Variants in MEAF6 observed in about 807,000 individuals in gnomAD.
MEAF6 encodes the protein MYST/Esa1 associated factor 6.
MEAF6 carries 15 observed loss-of-function variants against 28.9 expected under a neutral mutation model. The observed-to-expected ratio is 0.52, with a 90% CI of 0.35 to 0.80. MEAF6 has a LOEUF of 0.80. MEAF6 is among the 30% of genes least tolerant of loss of function. MEAF6 has a pLI of 0.01. For synonymous variants in MEAF6, 97 were observed against 88.7 expected (o/e 1.09, Z -0.53); for missense variants, 178 against 237.5 (o/e 0.75, Z 1.65).
chr1:37,495,053 G>A lies in MEAF6; in HGVS notation c.567+832C>T, dbSNP rs1642070464. Among the ~76,000 whole-genome samples, 6 of 151,818 alleles carry A rather than the reference G, an allele frequency of 4.0e-5. 1 individual carries two copies. The South Asian group carries it at 1.3e-3, about 32-fold the overall frequency. ...TTCATCATTAAAAATGTATGTGACC[G>A]GCCGGGTGCGGTGGCTCACGCCTGT... is the stretch of plus-strand genomic sequence containing the variant. On this transcript the variant is annotated intron_variant, in intron 6 of 6. Coordinates refer to ENST00000296214, the MANE Select transcript of MEAF6 (RefSeq NM_001270875.3).
At chr1:37,500,710 C>T (rs1015604232) in intron 5 of MEAF6, among the ~76,000 whole-genome samples, 15 of 152,222 alleles carry the variant, frequency 9.9e-5, no homozygotes, top group African/African-American at 3.6e-4. Flanking sequence ...GTTAATCCTA[C>T]ATTACCCCCA....
chr1:37,514,365 G>A (rs1642767716), intron 1 of MEAF6: 1 of 168,806 alleles, frequency 5.9e-6, no homozygotes. Flanking sequence ...GCCCTTCCTA[G>A]CGCCCTCTCC....
chr1:37,504,168 C>A (rs369046102), intron 4 of MEAF6, among the ~76,000 whole-genome samples: 1 of 152,238 alleles, frequency 6.6e-6, no homozygotes, highest in South Asian at 2.1e-4. Flanking sequence ...TTCCTTCATG[C>A]GTGTTCTCTC....
rs549550813 is a variant in MEAF6, at chr1:37,493,824, G to C, written c.*275C>G. ...GGGGGAGACATTCATTCTAAGAAGG[G>C]AGAAACGCACAGTTAGCAACTTGCT... is the stretch of plus-strand genomic sequence containing the variant. On this transcript the variant is annotated 3_prime_UTR_variant, in exon 7 of 7. Coordinates refer to ENST00000296214, the MANE Select transcript of MEAF6 (RefSeq NM_001270875.3). 1.2e-5 allele frequency: 19 copies of C among 1,550,992 alleles called. No homozygotes were observed. The Admixed American group carries it at 2.8e-4, about 23-fold the overall frequency.
At chr1:37,494,882 A>T (rs953705348) in intron 6 of MEAF6, among the ~76,000 whole-genome samples, 1 of 152,012 alleles carries the variant, frequency 6.6e-6, no homozygotes, top group Non-Finnish European at 1.5e-5. Flanking sequence ...ATAATGTACA[A>T]TATTTCACAT....
chr1:37,494,459 G>C (rs1167963389), intron 6 of MEAF6, among the ~76,000 whole-genome samples: 1 of 143,382 alleles, frequency 7.0e-6, no homozygotes, highest in Non-Finnish European at 1.5e-5. Flanking sequence ...AGGTTGCAGT[G>C]AGCCAAGATC....
At chr1:37,505,854 A>G (rs1437417427) in intron 4 of MEAF6, among the ~76,000 whole-genome samples, 1 of 152,262 alleles carries the variant, frequency 6.6e-6, no homozygotes, top group African/African-American at 2.4e-5. Flanking sequence ...TCTTTTCAAC[A>G]AATGGTGCTG....
intron 4 of MEAF6, among the ~76,000 whole-genome samples, chr1:37,505,698 C>T (rs1365629565): frequency 6.6e-6 from 1 of 152,152 alleles, no homozygotes; most frequent in African/African-American, 2.4e-5. Flanking sequence ...ACATGCTACA[C>T]AAAGCTGCAG....
chr1:37,512,198 G>A (rs1642692520), intron 2 of MEAF6, among the ~76,000 whole-genome samples: 1 of 152,150 alleles, frequency 6.6e-6, no homozygotes, highest in African/African-American at 2.4e-5. Context: ...ACAAGATAAA[G>A]TGACACAGAA....
intron 4 of MEAF6, among the ~76,000 whole-genome samples, chr1:37,506,203 G>A (rs1569978184): frequency 6.6e-6 from 1 of 152,084 alleles, no homozygotes; most frequent in Non-Finnish European, 1.5e-5. Flanking sequence ...CCCAGGAGGT[G>A]GAGGTTGTGG....
rs996998734 is a variant in MEAF6 at position 37,493,831 on chromosome 1, G to C, written c.*268C>G. On this transcript the variant is annotated 3_prime_UTR_variant, in exon 7 of 7. Transcript: ENST00000296214. ...ACATTCATTCTAAGAAGGGAGAAAC[G>C]CACAGTTAGCAACTTGCTGGGATTA... 2.4e-4 allele frequency: 370 copies of C among 1,549,720 alleles called. 1 individual carries two copies. The highest frequency in any genetic ancestry group is 3.0e-4 in the Non-Finnish European group (343 of 1,147,032).
At position 37,507,429 on chromosome 1, in the gene MEAF6, C is replaced by T. The variant is rs552019284; in HGVS notation, c.340+1849G>A. Among the ~76,000 whole-genome samples, 7 of 144,380 alleles carry T rather than the reference C, an allele frequency of 4.8e-5. No homozygotes were observed. In the East Asian group the frequency reaches 1.4e-3, roughly 29 times the overall value. 94.7% of individuals were successfully genotyped at this position (144,380 alleles called of 152,430 possible). Reference sequence around the variant, plus strand: ...AGTTTAGCTCTACATTCTAGAGTGGCATTAATTAAAAAGAAGTAAGATTTA... The same window carrying T: ...AGTTTAGCTCTACATTCTAGAGTGGTATTAATTAAAAAGAAGTAAGATTTA... On this transcript the variant is annotated intron_variant, in intron 4 of 6. Transcript: ENST00000296214.
At chr1:37,496,612 T>G in intron 5 of MEAF6, 1 of 1,533,046 alleles carries the variant, frequency 6.5e-7, no homozygotes, top group African/African-American at 1.4e-5. Context: ...TACCTACAAT[T>G]AAACAGATAA....
chr1:37,514,443 G>GCTCCCGGCTCT, intron 1 of MEAF6: 1 of 299,906 alleles, frequency 3.3e-6, no homozygotes, highest in East Asian at 5.4e-5. Flanking sequence ...CCCCTCCCGC[G>GCTCCCGGCTCT]CTCCCGGCTC....
chr1:37,498,403 T>C (rs1375979191), intron 5 of MEAF6, among the ~76,000 whole-genome samples: 1 of 124,746 alleles, frequency 8.0e-6, no homozygotes, highest in Admixed American at 8.0e-5. Context: ...AGTAGCTATG[T>C]TATTTTTTAT....
rs1322986789 is a variant in MEAF6 at position 37,494,199 on chromosome 1, T to C, written c.568-92A>G. The C allele has an allele frequency of 3.9e-6, 4 of 1,032,928 alleles. No individual in the cohort carries two copies. The African/African-American group carries it at 4.8e-5, about 12-fold the overall frequency. The allele number at this position is 1,032,928 out of a possible 1,614,324, so 64.0% of individuals were successfully genotyped here. On this transcript the variant is annotated intron_variant, in intron 6 of 6. Coordinates refer to ENST00000296214, the MANE Select transcript of MEAF6 (RefSeq NM_001270875.3). ...AAAAAAATCTCATAAACAACTCTAC[T>C]AGGGGACTGCTCTATAGCTAAAGAT...
intron 2 of MEAF6, among the ~76,000 whole-genome samples, chr1:37,511,651 C>T (rs1044791014): frequency 1.3e-5 from 2 of 152,312 alleles, no homozygotes; most frequent in African/African-American, 2.4e-5. Context: ...ACAAAGGATA[C>T]ACCAATTGCC....
At position 37,491,530 on chromosome 1, in the gene MEAF6, C is replaced by T. The variant is rs2148054491; in HGVS notation, c.*2569G>A. Among the ~76,000 whole-genome samples, 1 of 152,180 alleles carries T rather than the reference C, an allele frequency of 6.6e-6. No individual in the cohort carries two copies. Among genetic ancestry groups the T allele is most frequent in the South Asian group, 2.1e-4 (1 of 4,830 alleles). Reference sequence around the variant, plus strand: ...GCAACATAGCAAGAAGCCATCATTACAAAATAAAAATGTTTTAAATTAGCT... The same window carrying T: ...GCAACATAGCAAGAAGCCATCATTATAAAATAAAAATGTTTTAAATTAGCT... On this transcript the variant is annotated 3_prime_UTR_variant, in exon 7 of 7. Transcript: ENST00000296214.
chr1:37,495,985 C>G, intron 5 of MEAF6, 67 bp from the exon 6 acceptor site: 1 of 1,249,244 alleles, frequency 8.0e-7, no homozygotes, highest in Non-Finnish European at 1.2e-6. Context: ...CAATCAGCTA[C>G]TGCATAGGGC....
Sources: gnomAD v4.1 joint callset for allele counts (sites outside exome capture counted in the v4.1 genomes callset) on GRCh38, gnomAD v4.1.1 for gene constraint, MANE v1.5 for transcripts, NCBI Gene and HGNC (gene_info 2026-07-23, HGNC 2026-07-21) for gene names.